The following VBP1 variants were observed in gnomAD, a reference collection of about 807,000 sequenced individuals.
The protein encoded by VBP1 is VHL binding protein 1, also known as prefoldin subunit 3.
In VBP1, 4 loss-of-function variants were observed where a neutral mutation model predicts 15.5. The observed-to-expected ratio is 0.26, with a 90% confidence interval of 0.13 to 0.59. VBP1 has a LOEUF of 0.59. Ranked by LOEUF, VBP1 falls within the 20% of genes least tolerant of loss-of-function variation. The pLI is 0.90. For synonymous variants in VBP1, 61 were observed against 52.1 expected (o/e 1.17, Z -0.74); for missense variants, 108 against 139.6 (o/e 0.77, Z 1.14).
intron 1 of VBP1, among the ~76,000 whole-genome samples, chrX:155,204,963 T>C (rs782125299): frequency 8.9e-6 from 1 of 112,401 alleles, no homozygotes; most frequent in South Asian, 3.6e-4. Flanking sequence ...TTTGCTGTTA[T>C]CATATAAAGC....
chrX:155,218,647 G>T lies in VBP1; in HGVS notation c.94-1536G>T, dbSNP rs782203450. On this transcript the variant is annotated intron_variant, in intron 1 of 5. Coordinates refer to ENST00000286428, the MANE Select transcript of VBP1 (RefSeq NM_003372.7). Reference sequence around the variant, plus strand: ...ATATCATCTCCCTGTAGTTTTCTCTGACCTCTACCCCAAAACAAAATCCCT... The same window carrying T: ...ATATCATCTCCCTGTAGTTTTCTCTTACCTCTACCCCAAAACAAAATCCCT... Among the ~76,000 whole-genome samples the T allele has an allele frequency of 2.7e-5, 3 of 111,063 alleles. No homozygotes were observed. The South Asian group carries it at 1.1e-3, about 42-fold the overall frequency.
intron 1 of VBP1, among the ~76,000 whole-genome samples, chrX:155,199,179 ACT>A (rs1279916287): frequency 2.1e-4 from 23 of 111,439 alleles, no homozygotes; most frequent in African/African-American, 5.9e-4. Context: ...GTTGGAAAAC[ACT>A]CTGCAGGATA....
chrX:155,206,623 A>C (rs1010420530), intron 1 of VBP1, among the ~76,000 whole-genome samples: 1 of 110,745 alleles, frequency 9.0e-6, no homozygotes, highest in African/African-American at 3.3e-5. Context: ...CCTTGAAGTA[A>C]GAGTGTGCTG....
At chrX:155,199,657 C>G (rs1230595333) in intron 1 of VBP1, among the ~76,000 whole-genome samples, 1 of 111,481 alleles carries the variant, frequency 9.0e-6, no homozygotes, top group Non-Finnish European at 1.9e-5. Context: ...CAAAAACATG[C>G]CAAATTGTAA....
Position 155,216,534 on chromosome X carries a change from G to GGGC in VBP1, c.59_61dup (p.Arg20dup). On this transcript the variant is annotated inframe_insertion, in exon 1 of 6. Transcript: ENST00000286428. ...CAAAGGAGAAATGGCCACAGGGAATGGGCGGCGGCTCCACCTGGGGATTCC... is the reference window on the plus strand; with the variant it reads ...CAAAGGAGAAATGGCCACAGGGAATGGGCGGCGGCGGCTCCACCTGGGGATTCC... The GGGC allele has an allele frequency of 5.1e-6, 6 of 1,171,431 alleles. No homozygotes were observed. The highest frequency in any genetic ancestry group is 6.9e-6 in the Non-Finnish European group (6 of 874,495).
intron 1 of VBP1, among the ~76,000 whole-genome samples, chrX:155,197,767 G>C (rs1557306815): frequency 8.9e-6 from 1 of 112,224 alleles, no homozygotes; most frequent in African/African-American, 3.2e-5. Context: ...ACAGGACAGT[G>C]AGTGCAGCGC....
At chrX:155,231,083 C>A (rs1335951044) in intron 4 of VBP1, among the ~76,000 whole-genome samples, 1 of 112,252 alleles carries the variant, frequency 8.9e-6, no homozygotes, top group Non-Finnish European at 1.9e-5. Context: ...CTAGCTCTTT[C>A]TTCTGCTTAA....
At chrX:155,206,448 A>G (rs1218024119) in intron 1 of VBP1, among the ~76,000 whole-genome samples, 1 of 110,526 alleles carries the variant, frequency 9.0e-6, no homozygotes, top group Non-Finnish European at 1.9e-5. Flanking sequence ...GTTAGCCAGG[A>G]TGGTCTCAAT....
chrX:155,202,556 T>C (rs1228967710), intron 1 of VBP1, among the ~76,000 whole-genome samples: 1 of 109,467 alleles, frequency 9.1e-6, no homozygotes, highest in African/African-American at 3.4e-5. Context: ...GCTAGCCATA[T>C]GTAGAAAGCT....
At chrX:155,216,356 G>A, upstream of VBP1, 1 of 1,112,236 alleles carries the variant, frequency 9.0e-7, no homozygotes, top group East Asian at 3.3e-5. Flanking sequence ...GACTTGTGGG[G>A]GACGCTCCCT....
intron 2 of VBP1, among the ~76,000 whole-genome samples, chrX:155,222,165 C>T (rs1557309648): frequency 8.9e-6 from 1 of 112,611 alleles, no homozygotes; most frequent in Non-Finnish European, 1.9e-5. Flanking sequence ...AGATCACCTA[C>T]AGGGAGGTTA....
intron 1 of VBP1, among the ~76,000 whole-genome samples, chrX:155,204,351 C>T (rs1272190924): frequency 9.0e-6 from 1 of 110,728 alleles, no homozygotes; most frequent in Non-Finnish European, 1.9e-5. Flanking sequence ...TGGGGTTTCG[C>T]CATGTTGGCC....
At chrX:155,200,589 C>T (rs2124031136) in intron 1 of VBP1, among the ~76,000 whole-genome samples, 1 of 108,636 alleles carries the variant, frequency 9.2e-6, no homozygotes, top group Admixed American at 9.8e-5. Context: ...ATACCAGAAT[C>T]TCTGGGACAC....
At chrX:155,200,353 T>A (rs1470482426) in intron 1 of VBP1, among the ~76,000 whole-genome samples, 2 of 105,842 alleles carry the variant, frequency 1.9e-5, no homozygotes, top group Non-Finnish European at 1.9e-5. Context: ...GACCACATAG[T>A]TGGAAGTAAA....
chrX:155,199,280 A>G lies in VBP1; in HGVS notation c.-31+2141A>G, dbSNP rs782317951. Among the ~76,000 whole-genome samples, 470 of 110,238 alleles carry G rather than the reference A, an allele frequency of 4.3e-3. 2 individuals are homozygous for G. Among genetic ancestry groups the G allele is most frequent in the African/African-American group, 0.015 (448 of 30,382 alleles). ...GAACGCCACAAAGATACTCCTCGAG[A>G]AGAGCAACTCCAAGACACATAATTG... On this transcript the variant is annotated intron_variant, in intron 1 of 6. Coordinates refer to the VBP1 transcript ENST00000535916.
chrX:155,230,102 C>T (rs1401680103), intron 4 of VBP1, among the ~76,000 whole-genome samples: 4 of 111,426 alleles, frequency 3.6e-5, no homozygotes, highest in East Asian at 2.8e-4. Context: ...GCCAGAAGTC[C>T]GTGATGAGCC....
intron 4 of VBP1, among the ~76,000 whole-genome samples, chrX:155,235,614 T>C (rs2074768340): frequency 8.9e-6 from 1 of 112,124 alleles, no homozygotes; most frequent in African/African-American, 3.2e-5. Context: ...CCCTAACATC[T>C]GTCAGAAGTA....
intron 1 of VBP1, among the ~76,000 whole-genome samples, chrX:155,205,922 C>T (rs781971604): frequency 3.6e-5 from 4 of 112,377 alleles, no homozygotes; most frequent in Admixed American, 2.8e-4. Flanking sequence ...AAACTGCTAA[C>T]GTAAAGGTCT....
chrX:155,223,791 C>T (rs1474042127), intron 2 of VBP1, among the ~76,000 whole-genome samples: 1 of 109,207 alleles, frequency 9.2e-6, no homozygotes, highest in African/African-American at 3.3e-5. Context: ...AGGCACCCCC[C>T]CACCTCCCGG....
Sources: allele counts gnomAD v4.1 joint callset (sites outside exome capture counted in the v4.1 genomes callset), GRCh38; gene constraint gnomAD v4.1.1; transcripts MANE v1.5; gene names NCBI Gene and HGNC (gene_info 2026-07-23, HGNC 2026-07-21).